SHANK2: variants seen among roughly 807,000 people sequenced by gnomAD.
SHANK2 encodes the protein SH3 and multiple ankyrin repeat domains protein 2.
A neutral mutation model predicts 133.7 loss-of-function variants in SHANK2; 43 were observed. The ratio of observed to expected loss-of-function variants is 0.32; its 90% confidence interval spans 0.25 to 0.41. The LOEUF is 0.41. Ranked by LOEUF, SHANK2 falls within the 10% of genes least tolerant of loss-of-function variation. The pLI is 1.00. For synonymous variants in SHANK2, 1,017 were observed against 952.8 expected, an observed-to-expected ratio of 1.07 and a Z score of -1.24; for missense variants, 1,994 against 2,235.8, an observed-to-expected ratio of 0.89 and a Z score of 2.18.
At chr11:70,680,699 G>C (rs1945010926) in intron 15 of SHANK2, among the ~76,000 whole-genome samples, 1 of 152,144 alleles carries the variant, frequency 6.6e-6, no homozygotes, top group African/African-American at 2.4e-5. Flanking sequence ...ATGTCTCTGG[G>C]CTCCACAGTT....
chr11:71,248,043 C>A (rs905613824), intron 1 of SHANK2, among the ~76,000 whole-genome samples: 2 of 152,216 alleles, frequency 1.3e-5, no homozygotes, highest in African/African-American at 4.8e-5. Flanking sequence ...GGCCCATCCC[C>A]GGCATATGTG....
chr11:70,560,630 T>C (rs1052574497), intron 17 of SHANK2, among the ~76,000 whole-genome samples: 2 of 151,920 alleles, frequency 1.3e-5, no homozygotes, highest in African/African-American at 2.4e-5. Flanking sequence ...CAAGACTTTT[T>C]TTCGTTTGTT....
chr11:70,931,193 C>T (rs111732347), intron 10 of SHANK2, among the ~76,000 whole-genome samples: 51 of 152,216 alleles, frequency 3.4e-4, no homozygotes, highest in African/African-American at 1.2e-3. Context: ...AAAGTAGACT[C>T]GTGGTGCCAG....
chr11:70,707,579 C>G (rs1555025236), intron 14 of SHANK2, among the ~76,000 whole-genome samples: 1 of 152,076 alleles, frequency 6.6e-6, no homozygotes, highest in Admixed American at 6.5e-5. Flanking sequence ...GCTTAAATCT[C>G]TCGCTAGCTA....
Position 70,948,452 on chromosome 11 carries a change from G to A in SHANK2, c.1108-51885C>T, listed in dbSNP as rs1009247556. The A allele has an allele frequency of 4.0e-4, 177 of 444,986 alleles. 2 individuals are homozygous for A. In the Admixed American group the frequency reaches 4.0e-3, roughly 10 times the overall value. The allele number at this position is 444,986 out of a possible 1,614,324, so 27.6% of individuals were successfully genotyped here. A position where few individuals can be genotyped will look rare whatever the true frequency, so the allele number is the denominator to read the frequency against. On this transcript the variant is annotated intron_variant, in intron 10 of 25. Coordinates refer to ENST00000601538, the MANE Select transcript of SHANK2 (RefSeq NM_012309.5). Reference sequence around the variant, plus strand: ...TTACTTTTCATCATAGATATGCACCGAACATCAGCCACACTTTGGGTTACC... The same window carrying A: ...TTACTTTTCATCATAGATATGCACCAAACATCAGCCACACTTTGGGTTACC...
Position 70,878,304 on chromosome 11 carries a change from C to T in SHANK2, c.1174+18197G>A, listed in dbSNP as rs1414527948. Among the ~76,000 whole-genome samples the T allele has an allele frequency of 5.9e-5, 9 of 152,220 alleles. No individual in the cohort carries two copies. The East Asian group carries it at 1.7e-3, about 29-fold the overall frequency. ...TCCAAAGGCAGGACCCTGGGAGGAC[C>T]TCGACAAGGTCTAGACCCTAACACT... On this transcript the variant is annotated intron_variant, in intron 11 of 25. Transcript: ENST00000601538.
chr11:70,545,370 C>A (rs543501084), intron 17 of SHANK2, among the ~76,000 whole-genome samples: 104 of 152,324 alleles, frequency 6.8e-4, no homozygotes, highest in African/African-American at 2.5e-3. Flanking sequence ...TTTGCTGGCC[C>A]TGGGGTGGGG....
intron 14 of SHANK2, among the ~76,000 whole-genome samples, chr11:70,728,350 C>T (rs550005926): frequency 2.6e-5 from 4 of 152,284 alleles, no homozygotes; most frequent in African/African-American, 7.2e-5. Context: ...AGGCCGGATC[C>T]GAGGCACCGT....
intron 1 of SHANK2, among the ~76,000 whole-genome samples, chr11:71,244,623 C>A (rs950339357): frequency 6.6e-6 from 1 of 152,208 alleles, no homozygotes; most frequent in Non-Finnish European, 1.5e-5. Context: ...GGAGCAGATA[C>A]GGGAACCCAG....
intron 10 of SHANK2, among the ~76,000 whole-genome samples, chr11:70,908,578 T>C (rs1950143822): frequency 6.6e-6 from 1 of 152,172 alleles, no homozygotes; most frequent in Admixed American, 6.5e-5. Flanking sequence ...GTTGACCTTG[T>C]CCTTTTGGTC....
intron 17 of SHANK2, among the ~76,000 whole-genome samples, chr11:70,531,707 G>C (rs553048696): frequency 6.6e-6 from 1 of 152,136 alleles, no homozygotes; most frequent in Non-Finnish European, 1.5e-5. Context: ...TGGGGACTGG[G>C]TAGGAGCGCA....
At chr11:70,546,983 TGA>T (rs1368540331) in intron 17 of SHANK2, among the ~76,000 whole-genome samples, 3 of 152,314 alleles carry the variant, frequency 2.0e-5, no homozygotes, top group East Asian at 3.9e-4. Context: ...CCTGGATACC[TGA>T]TCAGGCCGCT....
intron 2 of SHANK2, among the ~76,000 whole-genome samples, chr11:71,165,820 C>A (rs1456001362): frequency 6.6e-6 from 1 of 152,176 alleles, no homozygotes; most frequent in Non-Finnish European, 1.5e-5. Flanking sequence ...CTCGGGCCTC[C>A]CTCCTGGAAC....
chr11:70,725,391 G>T (rs1480128924), intron 14 of SHANK2, among the ~76,000 whole-genome samples: 1 of 152,204 alleles, frequency 6.6e-6, no homozygotes, highest in Non-Finnish European at 1.5e-5. Flanking sequence ...TGGGTACTGG[G>T]ACAGGAAGGC....
chr11:70,800,139 C>T (rs1473575775), intron 13 of SHANK2, among the ~76,000 whole-genome samples: 10 of 152,158 alleles, frequency 6.6e-5, no homozygotes, highest in African/African-American at 2.4e-4. Context: ...CCTCCCACCT[C>T]AGCCTCCTGA....
chr11:70,860,033 A>G (rs1555067484), intron 11 of SHANK2, among the ~76,000 whole-genome samples: 1 of 152,106 alleles, frequency 6.6e-6, no homozygotes, highest in East Asian at 1.9e-4. Flanking sequence ...AAGAACCCCG[A>G]CTATCTCCCT....
intron 11 of SHANK2, among the ~76,000 whole-genome samples, chr11:70,840,188 C>T (rs1217048959): frequency 1.3e-5 from 2 of 152,186 alleles, no homozygotes; most frequent in Non-Finnish European, 2.9e-5. Context: ...TCACTGTGAT[C>T]GCCACCTCAA....
chr11:70,590,159 C>T (rs1165392322), intron 17 of SHANK2, among the ~76,000 whole-genome samples: 1 of 152,046 alleles, frequency 6.6e-6, no homozygotes, highest in African/African-American at 2.4e-5. Context: ...GAGACTCTGT[C>T]TAAACAAACA....
Position 71,106,859 on chromosome 11 carries a change from A to T in SHANK2, c.592+3082T>A, listed in dbSNP as rs1326132698. On this transcript the variant is annotated intron_variant, in intron 6 of 25. Transcript: ENST00000601538. ...GAGGGGAGAGGCCAGGCGTGGTGGC[A>T]CACACCTGTAATCCCAACACTTCGG... Among the ~76,000 whole-genome samples the T allele has an allele frequency of 2.6e-5, 4 of 152,232 alleles. No individual in the cohort carries two copies. The East Asian group carries it at 7.8e-4, about 30-fold the overall frequency.
Sources: gnomAD v4.1 joint callset for allele counts (sites outside exome capture counted in the v4.1 genomes callset) on GRCh38, gnomAD v4.1.1 for gene constraint, MANE v1.5 for transcripts, NCBI Gene and HGNC (gene_info 2026-07-23, HGNC 2026-07-21) for gene names.